Variants in ARL15 observed in about 807,000 individuals in gnomAD.
The protein encoded by ARL15 is ADP-ribosylation factor-like protein 15.
A neutral mutation model predicts 25.2 loss-of-function variants in ARL15; 19 were observed. The observed-to-expected ratio is 0.75, with a 90% CI of 0.53 to 1.10. ARL15 has a LOEUF of 1.10. Among genes scored for constraint, ARL15 ranks in the 50% least tolerant of loss-of-function variants. The pLI is 0.00. For synonymous variants in ARL15, 94 were observed against 86.8 expected (o/e 1.08, Z -0.46); for missense variants, 220 against 246.0 (o/e 0.89, Z 0.71).
At chr5:54,247,011 A>C (rs1299345338) in intron 1 of ARL15, among the ~76,000 whole-genome samples, 2 of 152,182 alleles carry the variant, frequency 1.3e-5, no homozygotes, top group African/African-American at 4.8e-5. Flanking sequence ...CTTATCAGCA[A>C]AGACTGTATA....
chr5:54,093,443 C>T lies in ARL15; in HGVS notation c.462+19759G>A, dbSNP rs535330002. On this transcript the variant is annotated intron_variant, in intron 4 of 4. Coordinates refer to ENST00000504924, the MANE Select transcript of ARL15 (RefSeq NM_019087.3). ...GATGTGACAGAGCCTGCTCATTCTC[C>T]CTGCACTCACTTTGGCACACATTCA... is the stretch of plus-strand genomic sequence containing the variant. 1.2e-4 allele frequency among the ~76,000 whole-genome samples: 19 copies of T among 152,132 alleles called. No homozygotes were observed. The East Asian group carries it at 3.3e-3, about 26-fold the overall frequency.
At chr5:54,038,294 C>T (rs1292964168) in intron 4 of ARL15, among the ~76,000 whole-genome samples, 3 of 152,094 alleles carry the variant, frequency 2.0e-5, no homozygotes, top group Non-Finnish European at 4.4e-5. Context: ...ATCTGATTCT[C>T]TGCAGAGCAG....
intron 3 of ARL15, among the ~76,000 whole-genome samples, chr5:54,120,668 A>G (rs1753044521): frequency 1.3e-5 from 2 of 152,348 alleles, no homozygotes; most frequent in African/African-American, 4.8e-5. Flanking sequence ...TTTTTTAAGC[A>G]GCTAATTCTT....
chr5:54,183,883 A>G (rs1294042656), intron 1 of ARL15, among the ~76,000 whole-genome samples: 1 of 151,008 alleles, frequency 6.6e-6, no homozygotes, highest in Non-Finnish European at 1.5e-5. Flanking sequence ...GGATTAAGAA[A>G]ATATGGCACA....
intron 4 of ARL15, among the ~76,000 whole-genome samples, chr5:53,978,735 A>G (rs1238565252): frequency 1.3e-5 from 2 of 152,074 alleles, no homozygotes; most frequent in Non-Finnish European, 2.9e-5. Flanking sequence ...ATATATATAC[A>G]CACACATATA....
At position 53,884,087 on chromosome 5, in the gene ARL15, A is replaced by G. The variant is rs1744436815; in HGVS notation, c.*2474T>C. The G allele has an allele frequency of 6.6e-6, 1 of 152,230 alleles. No individual in the cohort carries two copies. Among genetic ancestry groups the G allele is most frequent in the Admixed American group, 6.5e-5 (1 of 15,280 alleles). 9.4% of individuals were successfully genotyped at this position (152,230 alleles called of 1,614,324 possible). On this transcript the variant is annotated 3_prime_UTR_variant, in exon 5 of 5. Transcript: ENST00000504924. Reference sequence around the variant, plus strand: ...TACAGTATTTTTTTAATAGAAAGACAGGGCAATATGGCAGTTAATTAGCAA... The same window carrying G: ...TACAGTATTTTTTTAATAGAAAGACGGGGCAATATGGCAGTTAATTAGCAA...
At position 54,087,666 on chromosome 5, in the gene ARL15, G is replaced by A. The variant is rs571696997; in HGVS notation, c.462+25536C>T. Among the ~76,000 whole-genome samples, 10 of 133,252 alleles carry A rather than the reference G, an allele frequency of 7.5e-5. No individual in the cohort carries two copies. The East Asian group carries it at 9.2e-4, about 12-fold the overall frequency. The allele number at this position is 133,252 out of a possible 152,430, so 87.4% of individuals were successfully genotyped here. ...TGACTCGTTTCCATTGGCATTCACC[G>A]CTTTCACAAAGACAATGGAAGAAGC... On this transcript the variant is annotated intron_variant, in intron 4 of 4. Transcript: ENST00000504924.
chr5:53,912,682 T>C (rs75382024), intron 4 of ARL15, among the ~76,000 whole-genome samples: 1 of 152,190 alleles, frequency 6.6e-6, no homozygotes, highest in Admixed American at 6.5e-5. Context: ...GATTGGTGGC[T>C]TCCCACATAT....
chr5:54,017,815 C>T (rs989580080), intron 4 of ARL15, among the ~76,000 whole-genome samples: 2 of 152,052 alleles, frequency 1.3e-5, no homozygotes, highest in African/African-American at 4.8e-5. Flanking sequence ...TTCCCCAGAA[C>T]TTAAGCAATA....
chr5:54,041,058 T>C (rs1467046972), intron 4 of ARL15, among the ~76,000 whole-genome samples: 1 of 152,210 alleles, frequency 6.6e-6, no homozygotes, highest in African/African-American at 2.4e-5. Flanking sequence ...CAAAGTAACA[T>C]ACGCCTCAAA....
chr5:54,051,579 C>T lies in ARL15; in HGVS notation c.462+61623G>A, dbSNP rs941186976. On this transcript the variant is annotated intron_variant, in intron 4 of 4. Coordinates refer to ENST00000504924, the MANE Select transcript of ARL15 (RefSeq NM_019087.3). ...AAGTAAGCAAGTAAATGATGCTCAA[C>T]GTCATCTGACATTAGGGAATTACAA... 3.3e-5 allele frequency among the ~76,000 whole-genome samples: 5 copies of T among 152,294 alleles called. No individual in the cohort carries two copies. In the South Asian group the frequency reaches 6.2e-4, roughly 19 times the overall value.
chr5:54,015,771 G>GA (rs1749407235), intron 4 of ARL15, among the ~76,000 whole-genome samples: 1 of 152,214 alleles, frequency 6.6e-6, no homozygotes, highest in South Asian at 2.1e-4. Context: ...ATGACTGTGA[G>GA]AGACCAGAAT....
chr5:54,020,413 T>G (rs1749560099), intron 4 of ARL15, among the ~76,000 whole-genome samples: 1 of 152,166 alleles, frequency 6.6e-6, no homozygotes, highest in South Asian at 2.1e-4. Context: ...GAGCCTGAAC[T>G]CCTGCCCCTG....
intron 3 of ARL15, among the ~76,000 whole-genome samples, chr5:54,136,873 T>G (rs1345243884): frequency 3.9e-5 from 6 of 151,900 alleles, no homozygotes; most frequent in Non-Finnish European, 8.8e-5. Context: ...GCCTGGGTTT[T>G]TTTTTTTTTT....
At chr5:54,046,041 C>A (rs901885923) in intron 4 of ARL15, among the ~76,000 whole-genome samples, 1 of 151,810 alleles carries the variant, frequency 6.6e-6, no homozygotes, top group Non-Finnish European at 1.5e-5. Flanking sequence ...TCAGATAGTC[C>A]GTGTAGACTG....
intron 2 of ARL15, among the ~76,000 whole-genome samples, chr5:54,161,454 T>G (rs1754398740): frequency 6.6e-6 from 1 of 152,206 alleles, no homozygotes; most frequent in African/African-American, 2.4e-5. Flanking sequence ...CACTACAATC[T>G]TACCAGCACT....
At chr5:53,920,430 A>T (rs930500722) in intron 4 of ARL15, among the ~76,000 whole-genome samples, 5 of 152,018 alleles carry the variant, frequency 3.3e-5, no homozygotes, top group Admixed American at 2.0e-4. Flanking sequence ...TGGGTTCAGG[A>T]TAATTTGCAC....
At chr5:54,029,247 A>C (rs1429849839) in intron 4 of ARL15, among the ~76,000 whole-genome samples, 1 of 151,892 alleles carries the variant, frequency 6.6e-6, no homozygotes, top group East Asian at 1.9e-4. Context: ...AGTACATGAG[A>C]TAATGTTTGT....
intron 4 of ARL15, among the ~76,000 whole-genome samples, chr5:54,050,241 G>T (rs1028777651): frequency 1.3e-5 from 2 of 152,190 alleles, no homozygotes; most frequent in Non-Finnish European, 2.9e-5. Flanking sequence ...ATTACAATGG[G>T]AGGGATTTAA....
Sources: allele counts gnomAD v4.1 joint callset (sites outside exome capture counted in the v4.1 genomes callset), GRCh38; gene constraint gnomAD v4.1.1; transcripts MANE v1.5; gene names NCBI Gene and HGNC (gene_info 2026-07-23, HGNC 2026-07-21).